Variants in ABCA12 observed in about 807,000 individuals in gnomAD.
The protein encoded by ABCA12 is glucosylceramide transporter ABCA12.
A neutral mutation model predicts 293.5 loss-of-function variants in ABCA12; 156 were observed. The observed-to-expected ratio is 0.53, with a 90% CI of 0.47 to 0.61. The LOEUF (loss-of-function observed/expected upper bound fraction) is 0.61. ABCA12 is among the 20% of genes least tolerant of loss of function. The pLI is 0.00. For synonymous variants in ABCA12, 1,063 were observed against 1,108.0 expected (o/e 0.96, Z 0.81); for missense variants, 2,797 against 3,090.2 (o/e 0.91, Z 2.25).
intron 40 of ABCA12, among the ~76,000 whole-genome samples, chr2:214,958,726 T>C (rs184661712): frequency 0.012 from 1,870 of 152,186 alleles, 36 homozygotes; most frequent in African/African-American, 0.043. Flanking sequence ...AAGGGATATA[T>C]CATTCTTGAG....
chr2:215,086,172 A>G (rs749061821), intron 2 of ABCA12, among the ~76,000 whole-genome samples: 1 of 152,224 alleles, frequency 6.6e-6, no homozygotes, highest in Non-Finnish European at 1.5e-5. Flanking sequence ...AAGATTGTCT[A>G]TACTTCATTT....
chr2:215,130,869 T>G (rs553436313), intron 1 of ABCA12, among the ~76,000 whole-genome samples: 1 of 152,268 alleles, frequency 6.6e-6, no homozygotes, highest in Non-Finnish European at 1.5e-5. Flanking sequence ...TGATGTTGGC[T>G]GTGGGTTTGT....
chr2:214,940,658 T>C (rs1367415575), intron 50 of ABCA12, among the ~76,000 whole-genome samples: 1 of 152,164 alleles, frequency 6.6e-6, no homozygotes, highest in Non-Finnish European at 1.5e-5. Context: ...TTGTTATTGG[T>C]CTATTGAGGG....
At chr2:215,072,319 C>T (rs1701753622) in intron 2 of ABCA12, among the ~76,000 whole-genome samples, 1 of 152,058 alleles carries the variant, frequency 6.6e-6, no homozygotes, top group Non-Finnish European at 1.5e-5. Context: ...GACATAGGGA[C>T]ATTTTTTGTA....
rs1461109552 is a variant in ABCA12 at position 215,098,526 on chromosome 2, T to G, written c.163+13071A>C. Among the ~76,000 whole-genome samples the G allele has an allele frequency of 2.6e-5, 4 of 152,338 alleles. No homozygotes were observed. In the South Asian group the frequency reaches 8.3e-4, roughly 32 times the overall value. ...TGTAAGTAAATTTGAACAGACTTCTTTAAACTTCCAGCCTTCAATTATTGT... is the reference window on the plus strand; with the variant it reads ...TGTAAGTAAATTTGAACAGACTTCTGTAAACTTCCAGCCTTCAATTATTGT... On this transcript the variant is annotated intron_variant, in intron 2 of 52. Coordinates refer to ENST00000272895, the MANE Select transcript of ABCA12 (RefSeq NM_173076.3).
intron 5 of ABCA12, chr2:215,050,896 T>C: frequency 1.2e-6 from 1 of 813,776 alleles, no homozygotes; most frequent in Non-Finnish European, 1.5e-6. Flanking sequence ...CAATATATCA[T>C]CCTAATTTTT....
intron 41 of ABCA12, among the ~76,000 whole-genome samples, chr2:214,957,393 A>T (rs1472350896): frequency 6.6e-6 from 1 of 152,202 alleles, no homozygotes; most frequent in Non-Finnish European, 1.5e-5. Context: ...CTAAATTGGA[A>T]TGAGCTCCAG....
At chr2:215,059,720 CA>C (rs750142543) in intron 3 of ABCA12, among the ~76,000 whole-genome samples, 28 of 151,902 alleles carry the variant, frequency 1.8e-4, no homozygotes, top group Non-Finnish European at 3.4e-4. Flanking sequence ...AAGGAGATAA[CA>C]CCACTGTGTC....
At chr2:215,124,899 T>C (rs1346825677) in intron 1 of ABCA12, among the ~76,000 whole-genome samples, 3 of 152,150 alleles carry the variant, frequency 2.0e-5, no homozygotes, top group Non-Finnish European at 2.9e-5. Context: ...TCTAGAAGGG[T>C]TTTTCCAATG....
intron 1 of ABCA12, among the ~76,000 whole-genome samples, chr2:215,116,181 T>C (rs1702682462): frequency 6.6e-6 from 1 of 152,250 alleles, no homozygotes; most frequent in South Asian, 2.1e-4. Context: ...GTGTATTATT[T>C]ATTTTTTACT....
At chr2:215,014,528 C>CA (rs1700447367) in intron 15 of ABCA12, among the ~76,000 whole-genome samples, 2 of 152,042 alleles carry the variant, frequency 1.3e-5, no homozygotes, top group African/African-American at 4.8e-5. Flanking sequence ...TTACTTGAAT[C>CA]AAATGGAGAT....
In ABCA12 at chr2:215,005,698, T is replaced by TC. The variant is rs560647636; in HGVS notation, c.2593-1400dup. ...AACCCTATTTCAATTCTCCCATCAC[T>TC]CCTTTTACAATCAATCATATGACAT... On this transcript the variant is annotated intron_variant, in intron 19 of 52. Transcript: ENST00000272895. Among the ~76,000 whole-genome samples, 123 of 152,320 alleles carry TC rather than the reference T, an allele frequency of 8.1e-4. 1 individual carries two copies. The highest frequency in any genetic ancestry group is 2.9e-3 in the African/African-American group (121 of 41,568).
At chr2:215,011,323 A>G in intron 17 of ABCA12, 116 bp downstream of exon 17, 1 of 810,918 alleles carries the variant, frequency 1.2e-6, no homozygotes, top group Admixed American at 2.3e-5. Context: ...ATTATTTTCT[A>G]TTTTTATTCT....
chr2:214,957,893 T>C (rs1436833025), intron 41 of ABCA12, among the ~76,000 whole-genome samples: 3 of 152,232 alleles, frequency 2.0e-5, no homozygotes, highest in African/African-American at 7.2e-5. Context: ...GTAAGGATAT[T>C]TTGCTGCTAA....
At chr2:215,130,236 A>ATT (rs57228653) in intron 1 of ABCA12, among the ~76,000 whole-genome samples, 5,132 of 147,564 alleles carry the variant, frequency 0.035, 141 homozygotes, top group African/African-American at 0.065. Context: ...AAACTTTAGG[A>ATT]TTTTTTTTTT....
rs116481578 is a variant in ABCA12, at chr2:215,000,927, C to T, written c.2957G>A (p.Arg986Gln). 1.2e-5 allele frequency: 19 copies of T among 1,614,000 alleles called. No individual in the cohort carries two copies. The highest frequency in any genetic ancestry group is 1.7e-4 in the Middle Eastern group (1 of 6,060). The change falls in exon 22 of 53, where the codon CGG (arginine) becomes CAG (glutamine). Residue 986 changes from arginine to glutamine, a missense_variant. Around this residue, in one of 3 missense-constraint regions of ABCA12, gnomAD observed 2,130 missense variants for 2,427.0 expected, o/e 0.88. Transcript: ENST00000272895. ...FLPPVIKYTI[R>Q]MSLKTAQTTR... ...GGTCTGTGCGGTCTTGAGACTCATC[C>T]GGATGGTATATTTTATGACAGGAGG...
chr2:215,036,325 A>G (rs1339367471), intron 8 of ABCA12, among the ~76,000 whole-genome samples: 1 of 152,252 alleles, frequency 6.6e-6, no homozygotes, highest in African/African-American at 2.4e-5. Flanking sequence ...ATCTAAAGGT[A>G]AAAGTTGAAA....
chr2:214,945,219 G>T, intron 48 of ABCA12, 115 bp from the exon 49 acceptor site: 1 of 842,486 alleles, frequency 1.2e-6, no homozygotes, highest in Non-Finnish European at 1.9e-6. Flanking sequence ...GAGGTCCTGT[G>T]ACTAACTTGT....
In ABCA12 at chr2:214,982,351, C is replaced by T. The variant is rs377470191; in HGVS notation, c.4415G>A (p.Arg1472His). 2.7e-5 allele frequency: 43 copies of T among 1,613,926 alleles called. No homozygotes were observed. The highest frequency in any genetic ancestry group is 1.5e-4 in the African/African-American group (11 of 75,010). Residue 1472 changes from arginine (R) to histidine (H), a missense_variant, in exon 30 of 53, where the codon CGT becomes CAT. Arg to His is a conservative substitution (Grantham distance 29). This residue lies in a region of ABCA12 where 2,130 missense variants were observed against 2,427.0 expected (regional missense o/e 0.88). Coordinates refer to ENST00000272895, the MANE Select transcript of ABCA12 (RefSeq NM_173076.3). ...TLKDTGLYSH[R>H]HKRVGTLSGG... ...TGACAGTGTTCCAACTCTCTTATGA[C>T]GATGGCTATATAGTCCAGTATCTTT...
Sources: gnomAD v4.1 joint callset for allele counts (sites outside exome capture counted in the v4.1 genomes callset) on GRCh38, gnomAD v4.1.1 for gene constraint, gnomAD v4.1.1 regional missense constraint, MANE v1.5 for transcripts, NCBI Gene and HGNC (gene_info 2026-07-23, HGNC 2026-07-21) for gene names.